TRMT2B: variants seen among roughly 807,000 people sequenced by gnomAD.
The protein encoded by TRMT2B is tRNA methyltransferase 2B.
A neutral mutation model predicts 39.7 loss-of-function variants in TRMT2B; 34 were observed. The observed-to-expected ratio is 0.86, with a 90% CI of 0.65 to 1.14. The LOEUF (loss-of-function observed/expected upper bound fraction) is 1.14. TRMT2B is among the 50% of genes most tolerant of loss of function. The probability of loss-of-function intolerance (pLI) is 0.00; values close to 1 mark genes in which losing one functional copy is unlikely to be tolerated. For missense variants in TRMT2B, 318 were observed against 377.2 expected, an observed-to-expected ratio of 0.84 and a Z score of 1.30; for synonymous variants, 132 against 137.3, an observed-to-expected ratio of 0.96 and a Z score of 0.27.
chrX:100,973,832 A>T, the TRMT2B span: 3 of 973,307 alleles, frequency 3.1e-6, no homozygotes, highest in Admixed American at 4.7e-5. Flanking sequence ...ACAAATCTTC[A>T]TAATATATAT....
chrX:101,003,708 G>A, the TRMT2B span, among the ~76,000 whole-genome samples: 6 of 112,032 alleles, frequency 5.4e-5, no homozygotes, highest in Non-Finnish European at 1.1e-4. Context: ...GAGTTCTGAG[G>A]GCCATCAACC....
the TRMT2B span, among the ~76,000 whole-genome samples, chrX:100,996,733 C>T: frequency 3.6e-5 from 4 of 109,895 alleles, no homozygotes; most frequent in East Asian, 8.6e-4. Flanking sequence ...GGCAACATAG[C>T]GAGACCTCAT....
Position 101,051,859 on chromosome X carries a change from T to C in TRMT2B, c.-549A>G, listed in dbSNP as rs954400917. On this transcript the variant is annotated 5_prime_UTR_variant, in exon 1 of 14. Transcript: ENST00000372936. ...AAGGCCAGCGGATGGCCTGGTTTGC[T>C]GCGGCGGGGAAACAGTCACTTCCTG... The C allele has an allele frequency of 1.5e-5, 4 of 269,529 alleles. No individual in the cohort carries two copies. Among genetic ancestry groups the C allele is most frequent in the African/African-American group, 2.9e-5 (1 of 34,106 alleles). The allele number at this position is 269,529 out of a possible 1,213,427, so 22.2% of individuals were successfully genotyped here. A position where few individuals can be genotyped will look rare whatever the true frequency, so the allele number is the denominator to read the frequency against.
chrX:100,975,964 C>G, the TRMT2B span, among the ~76,000 whole-genome samples: 1 of 111,504 alleles, frequency 9.0e-6, no homozygotes, highest in African/African-American at 3.3e-5. Flanking sequence ...ACAACTTCCT[C>G]TGTCCCATTA....
the TRMT2B span, among the ~76,000 whole-genome samples, chrX:101,002,410 C>T: frequency 8.9e-6 from 1 of 112,188 alleles, no homozygotes; most frequent in African/African-American, 3.2e-5. Flanking sequence ...AAGGGAAAGA[C>T]TTAGGTCTTT....
the TRMT2B span, chrX:100,988,582 G>T: frequency 1.0e-6 from 1 of 965,883 alleles, no homozygotes; most frequent in East Asian, 5.3e-5. Context: ...AGTGGTTAGA[G>T]AAGAAAATTT....
the TRMT2B span, among the ~76,000 whole-genome samples, chrX:101,001,321 G>A: frequency 9.1e-6 from 1 of 110,250 alleles, no homozygotes; most frequent in Non-Finnish European, 1.9e-5. Context: ...CTGGAGCCTC[G>A]ACCTCCCAGG....
At chrX:101,008,838 A>G (rs941677776), downstream of TRMT2B, among the ~76,000 whole-genome samples, 1 of 111,167 alleles carries the variant, frequency 9.0e-6, no homozygotes, top group Non-Finnish European at 1.9e-5. Flanking sequence ...GAGCACCCCT[A>G]TACCTTATTC....
At chrX:100,982,930 T>C in the TRMT2B span, among the ~76,000 whole-genome samples, 1 of 110,858 alleles carries the variant, frequency 9.0e-6, no homozygotes, top group Non-Finnish European at 1.9e-5. Context: ...CTCAGGATTT[T>C]GTTAACCATA....
chrX:101,051,278 A>G lies in TRMT2B; in HGVS notation c.-51T>C. ...GCGCAGGGCCAAGGATCCCTTTTGG[A>G]GCAAAATGTTCACCCACCGACAAGG... On this transcript the variant is annotated 5_prime_UTR_variant, in exon 2 of 14. Transcript: ENST00000372936. The G allele has an allele frequency of 5.3e-6, 4 of 753,540 alleles. No individual in the cohort carries two copies. The highest frequency in any genetic ancestry group is 6.3e-6 in the Non-Finnish European group (4 of 639,214). 62.1% of individuals were successfully genotyped at this position (753,540 alleles called of 1,213,427 possible).
At chrX:100,995,522 T>G in the TRMT2B span, among the ~76,000 whole-genome samples, 1 of 112,031 alleles carries the variant, frequency 8.9e-6, no homozygotes, top group Admixed American at 9.5e-5. Context: ...CTGAGGTGGC[T>G]CTGCTGTTGG....
At chrX:101,036,444 CAAAAAAAAAAAA>C (rs776144105) in intron 6 of TRMT2B, among the ~76,000 whole-genome samples, 2 of 21,771 alleles carry the variant, frequency 9.2e-5, no homozygotes, top group Admixed American at 5.8e-4. Flanking sequence ...GACTCCATCT[CAAAAAAAAAAAA>C]AAAAAAAAAG....
At chrX:101,035,762 TA>T (rs1281614521) in intron 6 of TRMT2B, 79 bp from the exon 7 acceptor site, 10 of 898,853 alleles carry the variant, frequency 1.1e-5, no homozygotes, top group African/African-American at 2.0e-5. Context: ...CTCAAATTTC[TA>T]TCGTCAAAGT....
At chrX:101,015,896 C>A (rs1404776628) in intron 13 of TRMT2B, among the ~76,000 whole-genome samples, 3 of 110,674 alleles carry the variant, frequency 2.7e-5, no homozygotes, top group African/African-American at 9.8e-5. Flanking sequence ...ATGGTGAAAC[C>A]CTGTCTCTAC....
intron 7 of TRMT2B, among the ~76,000 whole-genome samples, chrX:101,027,464 G>C (rs2087177032): frequency 9.5e-6 from 1 of 104,987 alleles, no homozygotes. Flanking sequence ...GGCTGGTCTT[G>C]ATCTCCTGAC....
chrX:101,023,940 C>T (rs759798163), intron 7 of TRMT2B, among the ~76,000 whole-genome samples: 4 of 110,959 alleles, frequency 3.6e-5, no homozygotes, highest in East Asian at 2.8e-4. Flanking sequence ...CTCCGCCACC[C>T]GGGTTCAAGC....
the TRMT2B span, among the ~76,000 whole-genome samples, chrX:101,000,251 G>T: frequency 9.2e-6 from 1 of 108,733 alleles, no homozygotes; most frequent in African/African-American, 3.4e-5. Context: ...CTCCTGAGTA[G>T]CTAGGACTAC....
chrX:101,033,068 C>G, intron 7 of TRMT2B, among the ~76,000 whole-genome samples: 3 of 103,046 alleles, frequency 2.9e-5, no homozygotes, highest in Middle Eastern at 0.012. Flanking sequence ...CCAGCCTGGC[C>G]AACATGGTGA....
In TRMT2B at chrX:101,051,462, GCCCTT is replaced by G; in HGVS notation, c.-240_-236del. On this transcript the variant is annotated 5_prime_UTR_variant, in exon 2 of 14. An upstream open reading frame in the 5' UTR loses its in-frame stop. Transcript: ENST00000372936. Reference sequence around the variant, plus strand: ...TTGTCTCCCCAACAAGACTCCACTAGCCCTTCCATTCCCTTCTTCTTTAGGCAAGT... The same window carrying G: ...TTGTCTCCCCAACAAGACTCCACTAGCCATTCCCTTCTTCTTTAGGCAAGT... 2.7e-6 allele frequency: 2 copies of G among 754,674 alleles called. No individual in the cohort carries two copies. Among genetic ancestry groups the G allele is most frequent in the Non-Finnish European group, 3.1e-6 (2 of 639,469 alleles). The allele number at this position is 754,674 out of a possible 1,213,427, so 62.2% of individuals were successfully genotyped here.
Sources: gnomAD v4.1 joint callset for allele counts (sites outside exome capture counted in the v4.1 genomes callset) on GRCh38, gnomAD v4.1.1 for gene constraint, MANE v1.5 for transcripts, NCBI Gene and HGNC (gene_info 2026-07-23, HGNC 2026-07-21) for gene names.